Variants in ADAMTS19 observed in about 807,000 individuals in gnomAD.
The protein encoded by ADAMTS19 is ADAM metallopeptidase with thrombospondin type 1 motif 19.
ADAMTS19 carries 93 observed loss-of-function variants against 153.3 expected under a neutral mutation model. The ratio of observed to expected loss-of-function variants is 0.61; its 90% CI spans 0.51 to 0.72. The LOEUF (loss-of-function observed/expected upper bound fraction) is 0.72, where lower values mean the gene tolerates loss of function less well. Among genes scored for constraint, ADAMTS19 ranks in the 30% least tolerant of loss-of-function variants. ADAMTS19 has a pLI of 0.00. For missense variants in ADAMTS19, 1,482 were observed against 1,552.1 expected (o/e 0.95, Z 0.76); for synonymous variants, 600 against 556.6 (o/e 1.08, Z -1.10).
At chr5:129,693,830 G>T (rs935635713) in intron 18 of ADAMTS19, among the ~76,000 whole-genome samples, 1 of 152,158 alleles carries the variant, frequency 6.6e-6, no homozygotes, top group Non-Finnish European at 1.5e-5. Flanking sequence ...TCTGGTAAAA[G>T]ATGGTAAGAG....
rs1200558594 is a variant in ADAMTS19 at position 129,654,293 on chromosome 5, A to G, written c.2177-13A>G. ...AACTTTTTCTCATTTCTTTTTATCT[A>G]CTCTGTATGTAGAAAAACCATGTGC... is the stretch of plus-strand genomic sequence containing the variant. On this transcript the variant is annotated splice_polypyrimidine_tract_variant and intron_variant, in intron 13 of 22. Coordinates refer to ENST00000274487, the MANE Select transcript of ADAMTS19 (RefSeq NM_133638.6). The G allele has an allele frequency of 1.3e-6, 2 of 1,595,006 alleles. No individual in the cohort carries two copies. The highest frequency in any genetic ancestry group is 1.7e-6 in the Non-Finnish European group (2 of 1,175,578).
intron 2 of ADAMTS19, among the ~76,000 whole-genome samples, chr5:129,465,099 T>C (rs1749810138): frequency 6.6e-6 from 1 of 152,238 alleles, no homozygotes; most frequent in African/African-American, 2.4e-5. Context: ...ATGAGTGATC[T>C]GATGACACTG....
At chr5:129,608,882 C>G (rs1738893977) in intron 8 of ADAMTS19, among the ~76,000 whole-genome samples, 1 of 148,260 alleles carries the variant, frequency 6.7e-6, no homozygotes, top group South Asian at 2.1e-4. Context: ...AAGAAAAGAA[C>G]TAAATAAGAA....
At chr5:129,543,108 G>C (rs1397452151) in intron 6 of ADAMTS19, among the ~76,000 whole-genome samples, 1 of 150,374 alleles carries the variant, frequency 6.7e-6, no homozygotes, top group Admixed American at 6.6e-5. Context: ...GGAGTGCAAT[G>C]GCATGATCTT....
chr5:129,592,818 A>C (rs1750203836), intron 7 of ADAMTS19, among the ~76,000 whole-genome samples: 1 of 152,146 alleles, frequency 6.6e-6, no homozygotes, highest in South Asian at 2.1e-4. Flanking sequence ...CATGTTTATA[A>C]GACTTTAATT....
At chr5:129,478,434 CAGT>C (rs1358013633) in intron 2 of ADAMTS19, among the ~76,000 whole-genome samples, 1 of 152,112 alleles carries the variant, frequency 6.6e-6, no homozygotes, top group Non-Finnish European at 1.5e-5. Flanking sequence ...TATATTATGT[CAGT>C]GGTGGATTTT....
chr5:129,686,547 C>A (rs548507926), intron 18 of ADAMTS19, among the ~76,000 whole-genome samples: 108 of 152,102 alleles, frequency 7.1e-4, no homozygotes, highest in African/African-American at 2.4e-3. Flanking sequence ...AGCTGCACCA[C>A]GTCTAGATCC....
intron 2 of ADAMTS19, among the ~76,000 whole-genome samples, chr5:129,483,436 TA>T (rs1750482776): frequency 1.3e-5 from 2 of 152,192 alleles, no homozygotes; most frequent in South Asian, 4.1e-4. Flanking sequence ...ATAATTGTTG[TA>T]GGGGGCTGTC....
intron 21 of ADAMTS19, among the ~76,000 whole-genome samples, chr5:129,729,234 T>C (rs1757334032): frequency 6.6e-6 from 1 of 152,034 alleles, no homozygotes; most frequent in Admixed American, 6.6e-5. Context: ...CAGAATTATT[T>C]TGGCTTTTTC....
chr5:129,706,860 G>T (rs968591841), intron 21 of ADAMTS19, among the ~76,000 whole-genome samples: 5 of 152,026 alleles, frequency 3.3e-5, no homozygotes, highest in African/African-American at 1.2e-4. Context: ...ACTGATTGTG[G>T]TTTTTTATGC....
At chr5:129,656,771 C>T (rs1753564264) in intron 14 of ADAMTS19, among the ~76,000 whole-genome samples, 1 of 152,164 alleles carries the variant, frequency 6.6e-6, no homozygotes, top group South Asian at 2.1e-4. Context: ...CTTACTTTTA[C>T]TTTAGATTTA....
intron 2 of ADAMTS19, among the ~76,000 whole-genome samples, chr5:129,463,853 G>T (rs1393426049): frequency 6.6e-6 from 1 of 152,150 alleles, no homozygotes; most frequent in Non-Finnish European, 1.5e-5. Context: ...CTTGTTTAGG[G>T]GATAGAATGT....
chr5:129,693,956 T>G lies in ADAMTS19; in HGVS notation c.2819-764T>G, dbSNP rs76644224. 7.8e-3 allele frequency among the ~76,000 whole-genome samples: 1,184 copies of G among 152,316 alleles called. 8 individuals are homozygous for G. The highest frequency in any genetic ancestry group is 0.012 in the Non-Finnish European group (796 of 68,022). ...GTTTGAGTTATACTCAAAACAAATGTGCTTTCCATAACTTATTATAAAGCA... is the reference window on the plus strand; with the variant it reads ...GTTTGAGTTATACTCAAAACAAATGGGCTTTCCATAACTTATTATAAAGCA... On this transcript the variant is annotated intron_variant, in intron 18 of 22. Coordinates refer to ENST00000274487, the MANE Select transcript of ADAMTS19 (RefSeq NM_133638.6).
At chr5:129,663,530 ATAAC>A (rs1206863081) in intron 15 of ADAMTS19, among the ~76,000 whole-genome samples, 4 of 152,220 alleles carry the variant, frequency 2.6e-5, no homozygotes, top group Admixed American at 1.3e-4. Flanking sequence ...CCATTGTCAC[ATAAC>A]TAATAATAAA....
intron 7 of ADAMTS19, among the ~76,000 whole-genome samples, chr5:129,587,402 G>A (rs1749869353): frequency 6.6e-6 from 1 of 151,126 alleles, no homozygotes; most frequent in Non-Finnish European, 1.5e-5. Context: ...GTTTATTGTC[G>A]TGGTTTGTTC....
intron 14 of ADAMTS19, among the ~76,000 whole-genome samples, chr5:129,658,351 A>AGAGAGAGAGAGAGAGAGAGAG (rs1554103337): frequency 1.3e-4 from 17 of 133,232 alleles, no homozygotes; most frequent in African/African-American, 1.9e-4. Context: ...GAAAGAAAGA[A>AGAGAGAGAGAGAGAGAGAGAG]AGAAAGAAAG....
Position 129,461,224 on chromosome 5 carries a change from G to C in ADAMTS19, c.214G>C (p.Val72Leu). Residue 72 changes from valine (V) to leucine (L), a missense_variant, in exon 2 of 23, where the codon GTT becomes CTT. Around this residue, in one of 2 missense-constraint regions of ADAMTS19, gnomAD observed 866 missense variants for 827.7 expected, o/e 1.05. Coordinates refer to ENST00000274487, the MANE Select transcript of ADAMTS19 (RefSeq NM_133638.6). This position sits in a 1 kb window ranked among gnomAD's most constrained non-coding sequence, Gnocchi z 4.6. The part of the protein sequence containing the change: ...GSADPGWVRG[V>L]GGGGSARAQA... ...CGCGGACCCGGGCTGGGTGCGCGGC[G>C]TTGGGGGCGGCGGAAGCGCCCGGGC... is the stretch of plus-strand genomic sequence containing the variant. 7.9e-7 allele frequency: 1 copy of C among 1,271,512 alleles called. No homozygotes were observed. Among genetic ancestry groups the C allele is most frequent in the South Asian group, 3.2e-5 (1 of 31,486 alleles). The allele number at this position is 1,271,512 out of a possible 1,614,324, so 78.8% of individuals were successfully genotyped here.
chr5:129,724,996 G>A (rs777368537), intron 21 of ADAMTS19, among the ~76,000 whole-genome samples: 3 of 152,022 alleles, frequency 2.0e-5, no homozygotes, highest in African/African-American at 4.8e-5. Flanking sequence ...CACAGTTGCC[G>A]GCATTCACCC....
At chr5:129,588,711 G>A (rs1749944760) in intron 7 of ADAMTS19, among the ~76,000 whole-genome samples, 1 of 151,014 alleles carries the variant, frequency 6.6e-6, no homozygotes. Context: ...TATTAATATT[G>A]TGAGCCAGCT....
Sources: allele counts gnomAD v4.1 joint callset (sites outside exome capture counted in the v4.1 genomes callset), GRCh38; gene constraint gnomAD v4.1.1; regional missense constraint gnomAD v4.1.1; non-coding constraint Gnocchi (gnomAD v3.1); transcripts MANE v1.5; gene names NCBI Gene and HGNC (gene_info 2026-07-23, HGNC 2026-07-21).